Variants in TUSC3 observed in about 807,000 individuals in gnomAD.
TUSC3 encodes dolichyl-diphosphooligosaccharide--protein glycosyltransferase subunit TUSC3.
Under a neutral mutation model 44.8 loss-of-function variants are expected in TUSC3, and 45 were observed. The ratio of observed to expected loss-of-function variants is 1.00; its 90% confidence interval spans 0.79 to 1.29. The LOEUF is 1.29. Among genes scored for constraint, TUSC3 ranks in the 50% most tolerant of loss-of-function variants. The probability of loss-of-function intolerance (pLI) is 0.00; values close to 1 mark genes in which losing one functional copy is unlikely to be tolerated. For missense variants in TUSC3, 519 were observed against 437.9 expected (o/e 1.19, Z -1.65); for synonymous variants, 212 against 152.9 (o/e 1.39, Z -2.85).
rs373194472 is a variant in TUSC3, at chr8:15,726,520, A to G, written c.799-4146A>G. Among the ~76,000 whole-genome samples the G allele has an allele frequency of 1.7e-4, 26 of 152,242 alleles. No homozygotes were observed. In the East Asian group the frequency reaches 3.7e-3, roughly 22 times the overall value. The stretch of plus-strand genomic sequence containing the variant: ...GTTCATATGCTCTATGAAATATTCA[A>G]TGGGGCCAGGTGCGGTGGCTCACGC... On this transcript the variant is annotated intron_variant, in intron 6 of 10. Coordinates refer to ENST00000503731, the MANE Select transcript of TUSC3 (RefSeq NM_006765.4).
chr8:15,847,555 C>G, the TUSC3 span, among the ~76,000 whole-genome samples: 11 of 152,082 alleles, frequency 7.2e-5, no homozygotes, highest in Admixed American at 5.9e-4. Flanking sequence ...TCTCTGCCCC[C>G]CTCTCAAATG....
rs988283542 is a variant in TUSC3, at chr8:15,503,559, C to T, written n.189+20076C>T. Among the ~76,000 whole-genome samples the T allele has an allele frequency of 4.6e-5, 7 of 152,178 alleles. No homozygotes were observed. In the South Asian group the frequency reaches 1.2e-3, roughly 27 times the overall value. On this transcript the variant is annotated intron_variant and non_coding_transcript_variant, in intron 2 of 5. Coordinates refer to the TUSC3 transcript ENST00000503191. The stretch of plus-strand genomic sequence containing the variant: ...ATCTCTAGAAAAAATTAAAAATTAG[C>T]CAGACATGGTGGCTCACACCTGTAG...
intron 1 of TUSC3, among the ~76,000 whole-genome samples, chr8:15,481,694 C>G (rs1423511266): frequency 6.6e-6 from 1 of 152,074 alleles, no homozygotes; most frequent in Non-Finnish European, 1.5e-5. Context: ...AGCATTATGG[C>G]TGAAAAACAA....
At chr8:15,642,421 G>C (rs1563149829) in intron 2 of TUSC3, among the ~76,000 whole-genome samples, 4 of 152,082 alleles carry the variant, frequency 2.6e-5, no homozygotes. Context: ...TATACGAAAG[G>C]GTTCCTGGCA....
At chr8:15,649,694 A>G (rs1178971713) in intron 2 of TUSC3, among the ~76,000 whole-genome samples, 2 of 151,254 alleles carry the variant, frequency 1.3e-5, no homozygotes, top group South Asian at 2.1e-4. Context: ...CTAGCTTCTT[A>G]TTGCACTGCA....
intron 1 of TUSC3, among the ~76,000 whole-genome samples, chr8:15,471,131 T>TCTA: frequency 6.6e-6 from 1 of 151,838 alleles, no homozygotes; most frequent in Admixed American, 6.6e-5. Flanking sequence ...AAACATTTCT[T>TCTA]TGATTTAATT....
the TUSC3 span, among the ~76,000 whole-genome samples, chr8:15,778,636 G>T: frequency 6.6e-5 from 10 of 152,104 alleles, no homozygotes; most frequent in African/African-American, 2.2e-4. Flanking sequence ...GATTCTTTAT[G>T]TATCACTTAG....
intron 2 of TUSC3, among the ~76,000 whole-genome samples, chr8:15,485,724 C>T (rs1415364113): frequency 6.6e-6 from 1 of 152,016 alleles, no homozygotes; most frequent in Admixed American, 6.6e-5. Flanking sequence ...AAGGACAGAG[C>T]TTTGCTTTGT....
intron 2 of TUSC3, among the ~76,000 whole-genome samples, chr8:15,630,578 G>C (rs889267527): frequency 6.6e-6 from 1 of 152,130 alleles, no homozygotes; most frequent in South Asian, 2.1e-4. Context: ...GCTAGTAACT[G>C]TTCAGGGTTG....
chr8:15,604,846 T>C (rs1424029602), intron 1 of TUSC3, among the ~76,000 whole-genome samples: 1 of 151,892 alleles, frequency 6.6e-6, no homozygotes, highest in African/African-American at 2.4e-5. Flanking sequence ...CTCCAAACTT[T>C]ATCTTACAAG....
intron 2 of TUSC3, among the ~76,000 whole-genome samples, chr8:15,639,781 C>CTTTT (rs1563148397): frequency 3.1e-4 from 15 of 48,358 alleles, no homozygotes; most frequent in African/African-American, 1.4e-3. Context: ...GCATAAGAGT[C>CTTTT]GTTTTTTTTT....
intron 1 of TUSC3, among the ~76,000 whole-genome samples, chr8:15,460,585 G>C (rs1220388941): frequency 6.6e-6 from 1 of 151,974 alleles, no homozygotes; most frequent in African/African-American, 2.4e-5. Context: ...TTGGGTTCTT[G>C]GTCATAAAAT....
At chr8:15,802,234 C>T in the TUSC3 span, among the ~76,000 whole-genome samples, 13 of 152,098 alleles carry the variant, frequency 8.5e-5, no homozygotes, top group African/African-American at 3.1e-4. Flanking sequence ...AAATCCCACC[C>T]ACATTATGGG....
rs79446484 is a variant in TUSC3 at position 15,641,909 on chromosome 8, T to G, written c.309-8788T>G. ...AGACAAAAAGAGACGCAAGGAAACTTTTGGAAGTGATGGAAATGTTTATTA... is the reference window on the plus strand; with the variant it reads ...AGACAAAAAGAGACGCAAGGAAACTGTTGGAAGTGATGGAAATGTTTATTA... On this transcript the variant is annotated intron_variant, in intron 2 of 10. Transcript: ENST00000503731. Among the ~76,000 whole-genome samples the G allele has an allele frequency of 5.0e-3, 755 of 152,262 alleles. 22 individuals carry two copies. In the East Asian group the frequency reaches 0.073, roughly 15 times the overall value.
At chr8:15,441,006 G>A (rs1495085) in intron 1 of TUSC3, among the ~76,000 whole-genome samples, 128,137 of 152,236 alleles carry the variant, frequency 0.84, 55,820 homozygotes, top group Non-Finnish European at 0.95. Context: ...TTCTGGAATT[G>A]CATTGCCTAA....
At chr8:15,643,401 C>T (rs1232935856) in intron 2 of TUSC3, among the ~76,000 whole-genome samples, 1 of 140,268 alleles carries the variant, frequency 7.1e-6, no homozygotes, top group Non-Finnish European at 1.6e-5. Context: ...TAATATGTTA[C>T]TGTTAGTTGT....
At chr8:15,464,166 G>A (rs544213893) in intron 1 of TUSC3, among the ~76,000 whole-genome samples, 3 of 152,292 alleles carry the variant, frequency 2.0e-5, no homozygotes, top group South Asian at 4.1e-4. Context: ...TTCCAGGTAA[G>A]ATCCAGAGTC....
intron 1 of TUSC3, among the ~76,000 whole-genome samples, chr8:15,467,519 A>G (rs1438639152): frequency 6.6e-6 from 1 of 152,166 alleles, no homozygotes; most frequent in African/African-American, 2.4e-5. Context: ...TATTTGCACT[A>G]ATTGATCTTA....
intron 3 of TUSC3, among the ~76,000 whole-genome samples, chr8:15,657,419 A>AG (rs1320358985): frequency 6.6e-6 from 1 of 152,200 alleles, no homozygotes; most frequent in African/African-American, 2.4e-5. Flanking sequence ...ATAAAGTCCT[A>AG]GGACACAGAC....
Sources: allele counts gnomAD v4.1 joint callset (sites outside exome capture counted in the v4.1 genomes callset), GRCh38; gene constraint gnomAD v4.1.1; transcripts MANE v1.5; gene names NCBI Gene and HGNC (gene_info 2026-07-23, HGNC 2026-07-21).